Variants in CCDC148 observed in about 807,000 individuals in gnomAD.
The protein encoded by CCDC148 is coiled-coil domain containing 148.
Under a neutral mutation model 85.7 loss-of-function variants are expected in CCDC148, and 89 were observed. That is an observed-to-expected ratio of 1.04 (90% CI 0.87 to 1.24). The LOEUF (loss-of-function observed/expected upper bound fraction) is 1.24. Among genes scored for constraint, CCDC148 ranks in the 50% most tolerant of loss-of-function variants. The pLI, the probability that CCDC148 is intolerant of heterozygous loss-of-function variation, is 0.00. For missense variants in CCDC148, 692 were observed against 671.7 expected (o/e 1.03, Z -0.33); for synonymous variants, 230 against 213.9 (o/e 1.08, Z -0.66).
intron 11 of CCDC148, among the ~76,000 whole-genome samples, chr2:158,219,796 G>A (rs1241264665): frequency 1.3e-5 from 2 of 152,158 alleles, no homozygotes; most frequent in African/African-American, 4.8e-5. Context: ...CATAACCATA[G>A]CTTCCACAGT....
At position 158,309,558 on chromosome 2, in the gene CCDC148, T is replaced by G; in HGVS notation, c.985A>C (p.Lys329Gln). 1 of 1,613,692 alleles carries G rather than the reference T, an allele frequency of 6.2e-7. No homozygotes were observed. The highest frequency in any genetic ancestry group is 2.2e-5 in the East Asian group (1 of 44,868). ...NILISNWNKN[K>Q]KDFIQKAVLT... ...ACAGCCTTCTGTATAAAGTCTTTCT[T>G]ATTTTTATTCCAATTTGATATCAGG... Residue 329 changes from lysine (K) to glutamine (Q), a missense_variant, in exon 9 of 14, where the codon AAG becomes CAG. Physicochemically the swap from Lys to Gln is moderately conservative, Grantham distance 53. Coordinates refer to ENST00000283233, the MANE Select transcript of CCDC148 (RefSeq NM_138803.4).
At chr2:158,439,854 AT>A (rs1687855380) in intron 1 of CCDC148, among the ~76,000 whole-genome samples, 1 of 152,118 alleles carries the variant, frequency 6.6e-6, no homozygotes, top group Admixed American at 6.5e-5. Context: ...AGCGGATAAC[AT>A]TTATTATTAT....
At chr2:158,224,154 G>A (rs1299817578) in intron 10 of CCDC148, among the ~76,000 whole-genome samples, 6 of 152,200 alleles carry the variant, frequency 3.9e-5, no homozygotes, top group Non-Finnish European at 5.9e-5. Flanking sequence ...ACCAAGGCAC[G>A]AGAACTACGT....
chr2:158,391,341 T>A (rs1238602624), intron 1 of CCDC148, among the ~76,000 whole-genome samples: 2 of 152,200 alleles, frequency 1.3e-5, no homozygotes, highest in African/African-American at 4.8e-5. Context: ...TTGCCTATAT[T>A]ACTACTCCTA....
intron 10 of CCDC148, among the ~76,000 whole-genome samples, chr2:158,223,351 C>T (rs541032001): frequency 3.7e-4 from 56 of 152,318 alleles, no homozygotes; most frequent in African/African-American, 1.3e-3. Flanking sequence ...CACTGCAGCT[C>T]AAGGAGGCCT....
intron 9 of CCDC148, among the ~76,000 whole-genome samples, chr2:158,301,991 C>G (rs533997560): frequency 6.6e-6 from 1 of 152,278 alleles, no homozygotes; most frequent in Admixed American, 6.5e-5. Flanking sequence ...AGTCTTTTGA[C>G]TTAGTCATGT....
intron 7 of CCDC148, among the ~76,000 whole-genome samples, chr2:158,328,019 ATTTCT>A (rs781298588): frequency 2.0e-5 from 3 of 150,900 alleles, no homozygotes; most frequent in East Asian, 1.9e-4. Flanking sequence ...AAATTATCTC[ATTTCT>A]TTTTTTTTTA....
intron 1 of CCDC148, among the ~76,000 whole-genome samples, chr2:158,364,924 G>A (rs189157024): frequency 6.6e-6 from 1 of 152,258 alleles, no homozygotes; most frequent in Admixed American, 6.5e-5. Context: ...CTGACAAACA[G>A]CTAATATCCT....
chr2:158,341,742 A>G (rs890440339), intron 3 of CCDC148, among the ~76,000 whole-genome samples: 4 of 152,114 alleles, frequency 2.6e-5, no homozygotes, highest in South Asian at 2.1e-4. Context: ...AAAGAGTTTT[A>G]TGATTATTAC....
intron 1 of CCDC148, among the ~76,000 whole-genome samples, chr2:158,398,341 A>T (rs1239581248): frequency 6.6e-6 from 1 of 152,168 alleles, no homozygotes; most frequent in East Asian, 1.9e-4. Context: ...TCAGCACCAC[A>T]TCACACTTAT....
At chr2:158,331,637 G>A in intron 7 of CCDC148, among the ~76,000 whole-genome samples, 1 of 152,150 alleles carries the variant, frequency 6.6e-6, no homozygotes, top group Non-Finnish European at 1.5e-5. Flanking sequence ...TTGTGTGGGA[G>A]TCTAAGTCTC....
At chr2:158,306,692 G>T (rs10210270) in intron 9 of CCDC148, among the ~76,000 whole-genome samples, 2 of 151,920 alleles carry the variant, frequency 1.3e-5, no homozygotes, top group Admixed American at 6.6e-5. Flanking sequence ...GTGGGGGAAG[G>T]GGGGAGGGAA....
chr2:158,356,636 C>T (rs1165094894), intron 2 of CCDC148, among the ~76,000 whole-genome samples: 2 of 147,510 alleles, frequency 1.4e-5, no homozygotes, highest in Non-Finnish European at 3.0e-5. Context: ...GTTGGTGGGA[C>T]TGTAAACTAG....
At chr2:158,277,786 T>C (rs1378126622) in intron 9 of CCDC148, among the ~76,000 whole-genome samples, 5 of 152,106 alleles carry the variant, frequency 3.3e-5, no homozygotes, top group South Asian at 4.1e-4. Context: ...TTAGTAGAGA[T>C]GGGGTTTCAC....
chr2:158,303,353 G>C (rs1262268554), intron 9 of CCDC148, among the ~76,000 whole-genome samples: 1 of 152,062 alleles, frequency 6.6e-6, no homozygotes, highest in African/African-American at 2.4e-5. Flanking sequence ...GCAAACCTTT[G>C]TGGGGCCAAG....
intron 1 of CCDC148, among the ~76,000 whole-genome samples, chr2:158,363,728 G>T (rs187462555): frequency 6.6e-6 from 1 of 152,264 alleles, no homozygotes; most frequent in East Asian, 1.9e-4. Flanking sequence ...GCAAAAACTG[G>T]AAGCATTCCC....
chr2:158,285,002 A>G (rs1320609705), intron 9 of CCDC148, among the ~76,000 whole-genome samples: 1 of 152,198 alleles, frequency 6.6e-6, no homozygotes, highest in East Asian at 1.9e-4. Flanking sequence ...AATTCAGTGC[A>G]TTAGGCTGGG....
chr2:158,399,519 C>CA (rs1156970809), intron 1 of CCDC148, among the ~76,000 whole-genome samples: 4 of 152,120 alleles, frequency 2.6e-5, no homozygotes, highest in East Asian at 1.9e-4. Context: ...GAACCAACGA[C>CA]AAAAAACACA....
At chr2:158,323,919 CTTTTTTTTTTTTTT>C (rs777356867) in intron 7 of CCDC148, among the ~76,000 whole-genome samples, 3 of 82,970 alleles carry the variant, frequency 3.6e-5, no homozygotes, top group African/African-American at 8.5e-5. Flanking sequence ...CTGGGAATAA[CTTTTTTTTTTTTTT>C]TTTTTTTTTT....
Sources: allele counts gnomAD v4.1 joint callset (sites outside exome capture counted in the v4.1 genomes callset), GRCh38; gene constraint gnomAD v4.1.1; transcripts MANE v1.5; gene names NCBI Gene and HGNC (gene_info 2026-07-23, HGNC 2026-07-21).